EFCAB10: variants seen among roughly 807,000 people sequenced by gnomAD.
The protein encoded by EFCAB10 is EF-hand calcium binding domain 10, also known as EF-hand calcium-binding domain-containing protein 10.
In EFCAB10, 7 loss-of-function variants were observed where a neutral mutation model predicts 7.7. The observed-to-expected ratio is 0.91, with a 90% CI of 0.52 to 1.72. The LOEUF (loss-of-function observed/expected upper bound fraction) is 1.72. Among genes scored for constraint, EFCAB10 ranks in the 40% most tolerant of loss-of-function variants. EFCAB10 has a pLI of 0.00. For synonymous variants in EFCAB10, 52 were observed against 21.0 expected (o/e 2.47, Z -4.03); for missense variants, 112 against 61.5 (o/e 1.82, Z -2.74).
At chr7:105,571,713 G>T (rs1238609222) in intron 1 of EFCAB10, 1 of 152,142 alleles carries the variant, frequency 6.6e-6, no homozygotes, top group African/African-American at 2.4e-5. Context: ...CCACCACAAT[G>T]CTCCTGCTCA....
chr7:105,567,741 G>C, intron 3 of EFCAB10: 2 of 423,896 alleles, frequency 4.7e-6, no homozygotes, highest in Non-Finnish European at 8.4e-6. Flanking sequence ...GTATTTCCAT[G>C]AGGAAACTGG....
intron 1 of EFCAB10, among the ~76,000 whole-genome samples, chr7:105,576,701 C>T (rs1792089608): frequency 6.6e-6 from 1 of 152,154 alleles, no homozygotes; most frequent in African/African-American, 2.4e-5. Context: ...GCCTTGGCCT[C>T]CCAAAGTGCT....
At chr7:105,572,029 G>A (rs1201242412) in intron 1 of EFCAB10, 1 of 152,106 alleles carries the variant, frequency 6.6e-6, no homozygotes, top group African/African-American at 2.4e-5. Flanking sequence ...ATTTTTCCAT[G>A]AACTTTTTGA....
chr7:105,580,313 G>A (rs916310820), intron 1 of EFCAB10, among the ~76,000 whole-genome samples: 1 of 152,034 alleles, frequency 6.6e-6, no homozygotes, highest in African/African-American at 2.4e-5. Context: ...TGGGATTACA[G>A]GCATGCGCTA....
At chr7:105,577,052 T>TAA (rs113658971) in intron 1 of EFCAB10, among the ~76,000 whole-genome samples, 39 of 144,760 alleles carry the variant, frequency 2.7e-4, no homozygotes, top group South Asian at 1.3e-3. Context: ...AACTCCGTCT[T>TAA]AAAAAAAAAA....
intron 3 of EFCAB10, 91 bp from the exon 4 acceptor site, chr7:105,567,581 G>T: frequency 1.7e-6 from 1 of 604,022 alleles, no homozygotes; most frequent in South Asian, 2.0e-5. Flanking sequence ...GACGAGCAGA[G>T]ATATTAAATT....
At chr7:105,579,553 T>C (rs1242322585) in intron 1 of EFCAB10, among the ~76,000 whole-genome samples, 1 of 152,172 alleles carries the variant, frequency 6.6e-6, no homozygotes, top group Non-Finnish European at 1.5e-5. Context: ...TTATAGATAC[T>C]TGCCTAACAA....
At position 105,581,346 on chromosome 7, in the gene EFCAB10, G is replaced by A; in HGVS notation, c.106+12C>T. 1.4e-6 allele frequency: 1 copy of A among 702,770 alleles called. No homozygotes were observed. Among genetic ancestry groups the A allele is most frequent in the Non-Finnish European group, 2.6e-6 (1 of 384,884 alleles). 43.5% of individuals were successfully genotyped at this position (702,770 alleles called of 1,614,324 possible). A position where few individuals can be genotyped will look rare whatever the true frequency, so the allele number is the denominator to read the frequency against. On this transcript the variant is annotated intron_variant, in intron 1 of 4. Coordinates refer to ENST00000480514, the MANE Select transcript of EFCAB10 (RefSeq NM_001355526.2). ...TGGAGGTATGGCTGTACCGGGGCAT[G>A]GGGGCCCTTACCCGGCCGAAAGAAA...
At chr7:105,577,772 T>C (rs907323219) in intron 1 of EFCAB10, among the ~76,000 whole-genome samples, 1 of 151,518 alleles carries the variant, frequency 6.6e-6, no homozygotes, top group Non-Finnish European at 1.5e-5. Flanking sequence ...AGGCTGGAAG[T>C]GCAGTGGTGC....
In EFCAB10 at chr7:105,569,276, C is replaced by G. The variant is rs938466615; in HGVS notation, c.286G>C (p.Gly96Arg). 1 of 701,850 alleles carries G rather than the reference C, an allele frequency of 1.4e-6. No homozygotes were observed. Among genetic ancestry groups the G allele is most frequent in the Non-Finnish European group, 2.6e-6 (1 of 384,804 alleles). The allele number at this position is 701,850 out of a possible 1,614,324, so 43.5% of individuals were successfully genotyped here. The change falls in exon 3 of 5, where the codon GGT (glycine) becomes CGT (arginine). Residue 96 changes from glycine (G) to arginine (R), a missense_variant. Gly to Arg is a moderately radical substitution (Grantham distance 125). Coordinates refer to ENST00000480514, the MANE Select transcript of EFCAB10 (RefSeq NM_001355526.2). ...AAATCTTCATCTTCAGTGCATAGAC[C>G]CAGGGTTTTTAGGGCTGTAAAATAA... is the stretch of plus-strand genomic sequence containing the variant. ...VQYKEALKTL[G>R]LCTEDEDLQD...
At chr7:105,568,953 GA>G (rs55730992) in intron 3 of EFCAB10, among the ~76,000 whole-genome samples, 44,949 of 121,674 alleles carry the variant, frequency 0.37, 7,807 homozygotes, top group African/African-American at 0.49. Context: ...CCATCTCAGG[GA>G]AAAAAAAAAA....
chr7:105,577,550 G>A (rs1398098957), intron 1 of EFCAB10, among the ~76,000 whole-genome samples: 4 of 149,520 alleles, frequency 2.7e-5, no homozygotes, highest in African/African-American at 5.0e-5. Flanking sequence ...TGTTGCAACC[G>A]AGATGGCCAA....
At chr7:105,575,795 T>C (rs1792063436) in intron 1 of EFCAB10, among the ~76,000 whole-genome samples, 1 of 152,108 alleles carries the variant, frequency 6.6e-6, no homozygotes. Flanking sequence ...CCCAGCACTT[T>C]GGGAGGCCGA....
At chr7:105,580,874 G>A (rs1465564060) in intron 1 of EFCAB10, among the ~76,000 whole-genome samples, 3 of 152,104 alleles carry the variant, frequency 2.0e-5, no homozygotes, top group African/African-American at 4.8e-5. Context: ...CAGGAAAAGC[G>A]ATCCCCTCTA....
chr7:105,568,380 G>A (rs1170749090), intron 3 of EFCAB10, among the ~76,000 whole-genome samples: 2 of 152,082 alleles, frequency 1.3e-5, no homozygotes, highest in African/African-American at 4.8e-5. Flanking sequence ...TTATTCCAAT[G>A]GTTTTTCTCT....
intron 4 of EFCAB10, 179 bp from the exon 5 acceptor site, chr7:105,565,626 A>G (rs1334352067): frequency 2.5e-6 from 4 of 1,608,084 alleles, no homozygotes; most frequent in Non-Finnish European, 3.4e-6. Context: ...CTATTGCAAG[A>G]GACCAGAAAA....
At chr7:105,578,416 T>A (rs1792139988) in intron 1 of EFCAB10, among the ~76,000 whole-genome samples, 1 of 152,166 alleles carries the variant, frequency 6.6e-6, no homozygotes, top group Non-Finnish European at 1.5e-5. Flanking sequence ...CAAGCCAAGA[T>A]GTCCAATATC....
chr7:105,580,252 C>G (rs1404999980), intron 1 of EFCAB10, among the ~76,000 whole-genome samples: 1 of 151,958 alleles, frequency 6.6e-6, no homozygotes, highest in Non-Finnish European at 1.5e-5. Flanking sequence ...CCTCCCAGAG[C>G]GTTGGTATTA....
rs775208941 is a variant in EFCAB10 at position 105,565,692 on chromosome 7, T to C, written c.*-245A>G. On this transcript the variant is annotated intron_variant, in intron 4 of 4. Coordinates refer to ENST00000480514, the MANE Select transcript of EFCAB10 (RefSeq NM_001355526.2). ...AATTAATATTAATGTATCAAATTGT[T>C]ACAGGAGGCTAACTCCTTTTAACTT... 1.1e-5 allele frequency: 14 copies of C among 1,296,730 alleles called. No individual in the cohort carries two copies. The South Asian group carries it at 1.6e-4, about 15-fold the overall frequency. The allele number at this position is 1,296,730 out of a possible 1,614,324, so 80.3% of individuals were successfully genotyped here.
Sources: gnomAD v4.1 joint callset for allele counts (sites outside exome capture counted in the v4.1 genomes callset) on GRCh38, gnomAD v4.1.1 for gene constraint, MANE v1.5 for transcripts, NCBI Gene and HGNC (gene_info 2026-07-23, HGNC 2026-07-21) for gene names.